The following GPRIN3 variants were observed in gnomAD, a reference collection of about 807,000 sequenced individuals.
GPRIN3 encodes the protein GPRIN family member 3, also known as G protein-regulated inducer of neurite outgrowth 3.
A neutral mutation model predicts 13.7 loss-of-function variants in GPRIN3; 12 were observed. The ratio of observed to expected loss-of-function variants is 0.87; its 90% CI spans 0.56 to 1.42. The LOEUF (loss-of-function observed/expected upper bound fraction) is 1.42, where lower values mean the gene tolerates loss of function less well. GPRIN3 is among the 40% of genes most tolerant of loss of function. The probability of loss-of-function intolerance (pLI) is 0.00; values close to 1 mark genes in which losing one functional copy is unlikely to be tolerated. For synonymous variants in GPRIN3, 377 were observed against 372.7 expected (o/e 1.01, Z -0.13); for missense variants, 1,009 against 958.7 (o/e 1.05, Z -0.69).
intron 1 of GPRIN3, among the ~76,000 whole-genome samples, chr4:89,266,774 G>A (rs920971759): frequency 7.9e-5 from 12 of 152,154 alleles, no homozygotes; most frequent in African/African-American, 2.4e-4. Flanking sequence ...CGTTCTCAAA[G>A]AAGACATCTG....
chr4:89,244,084 A>AG lies in GPRIN3; in HGVS notation c.*3695dup, dbSNP rs1723020984. 5 of 152,220 alleles carry AG rather than the reference A, an allele frequency of 3.3e-5. No homozygotes were observed. The highest frequency in any genetic ancestry group is 3.3e-4 in the Admixed American group (5 of 15,272). The allele number at this position is 152,220 out of a possible 1,614,324, so 9.4% of individuals were successfully genotyped here. The stretch of plus-strand genomic sequence containing the variant: ...ACTCTGTTCTTGGTATGCTATATAT[A>AG]GGGATTCTCAGAATGACAGGCATTC... On this transcript the variant is annotated 3_prime_UTR_variant, in exon 2 of 2. Coordinates refer to ENST00000609438, the MANE Select transcript of GPRIN3 (RefSeq NM_198281.3).
chr4:89,306,700 T>G (rs914343110), intron 1 of GPRIN3, among the ~76,000 whole-genome samples: 1 of 152,094 alleles, frequency 6.6e-6, no homozygotes, highest in Non-Finnish European at 1.5e-5. Flanking sequence ...TTTGCCCACC[T>G]CCTCGGCTGC....
chr4:89,253,014 A>AAG (rs1196984813), intron 1 of GPRIN3, among the ~76,000 whole-genome samples: 1 of 126,704 alleles, frequency 7.9e-6, no homozygotes, highest in Non-Finnish European at 1.8e-5. Flanking sequence ...TTTCTCAAAA[A>AAG]AGAAAAAAAA....
chr4:89,239,464 A>G lies in GPRIN3; in HGVS notation c.*8316T>C, dbSNP rs1578059196. ...TGTATACTTTTATTAGTTAAAAAAC[A>G]CTGCCACTCTAGTTGTAATTGTAGT... On this transcript the variant is annotated 3_prime_UTR_variant, in exon 2 of 2. Transcript: ENST00000609438. The G allele has an allele frequency of 6.6e-6, 1 of 152,232 alleles. No homozygotes were observed. Among genetic ancestry groups the G allele is most frequent in the Admixed American group, 6.5e-5 (1 of 15,284 alleles). 9.4% of individuals were successfully genotyped at this position (152,232 alleles called of 1,614,324 possible). A position where few individuals can be genotyped will look rare whatever the true frequency, so the allele number is the denominator to read the frequency against.
At chr4:89,277,935 A>G (rs574198364) in intron 1 of GPRIN3, among the ~76,000 whole-genome samples, 1 of 152,278 alleles carries the variant, frequency 6.6e-6, no homozygotes, top group Admixed American at 6.5e-5. Flanking sequence ...TCCTCAGCTC[A>G]GATCTATACC....
intron 1 of GPRIN3, among the ~76,000 whole-genome samples, chr4:89,297,488 C>A (rs894818491): frequency 6.6e-6 from 1 of 152,158 alleles, no homozygotes; most frequent in African/African-American, 2.4e-5. Flanking sequence ...TTCCACTCAT[C>A]ATCATTAATT....
intron 1 of GPRIN3, among the ~76,000 whole-genome samples, chr4:89,274,081 G>A (rs1724031005): frequency 6.6e-6 from 1 of 152,210 alleles, no homozygotes; most frequent in African/African-American, 2.4e-5. Context: ...TTAGACAAAT[G>A]GGGGAAGAGG....
At chr4:89,298,744 C>T (rs576945070) in intron 1 of GPRIN3, among the ~76,000 whole-genome samples, 7 of 152,100 alleles carry the variant, frequency 4.6e-5, no homozygotes, top group South Asian at 2.1e-4. Flanking sequence ...CTTTCTTAAA[C>T]CAGGGCCTTC....
At chr4:89,267,980 G>T (rs774280062) in intron 1 of GPRIN3, among the ~76,000 whole-genome samples, 19 of 152,114 alleles carry the variant, frequency 1.2e-4, no homozygotes, top group South Asian at 2.1e-4. Flanking sequence ...CGTGATATTT[G>T]TAAAAGCATA....
intron 1 of GPRIN3, among the ~76,000 whole-genome samples, chr4:89,302,091 G>C (rs913860389): frequency 6.6e-6 from 1 of 152,142 alleles, no homozygotes; most frequent in Non-Finnish European, 1.5e-5. Context: ...TGATCCCCAC[G>C]ATATTTCTGC....
intron 1 of GPRIN3, among the ~76,000 whole-genome samples, chr4:89,300,321 T>A (rs1025084543): frequency 7.9e-5 from 12 of 152,040 alleles, no homozygotes; most frequent in Non-Finnish European, 4.4e-5. Context: ...TGGGCACAAG[T>A]GACTTATATA....
rs1001759021 is a variant in GPRIN3 at position 89,307,773 on chromosome 4, G to T, written c.-282C>A. On this transcript the variant is annotated 5_prime_UTR_variant, in exon 1 of 2. Transcript: ENST00000609438. ...TCAGCCCGGTCCCGGAGCGAGCTCCGTGCGTTCAGGAACTGAAATTACTAT... is the reference window on the plus strand; with the variant it reads ...TCAGCCCGGTCCCGGAGCGAGCTCCTTGCGTTCAGGAACTGAAATTACTAT... The T allele has an allele frequency of 6.6e-6, 1 of 152,324 alleles. No homozygotes were observed. The highest frequency in any genetic ancestry group is 1.5e-5 in the Non-Finnish European group (1 of 68,148). 9.4% of individuals were successfully genotyped at this position (152,324 alleles called of 1,614,324 possible). A position where few individuals can be genotyped will look rare whatever the true frequency, so the allele number is the denominator to read the frequency against.
intron 1 of GPRIN3, among the ~76,000 whole-genome samples, chr4:89,291,091 A>G (rs1486736250): frequency 6.6e-6 from 1 of 152,172 alleles, no homozygotes; most frequent in Middle Eastern, 3.2e-3. Flanking sequence ...ATAAACAGAG[A>G]GCAGGATTAA....
intron 1 of GPRIN3, among the ~76,000 whole-genome samples, chr4:89,261,893 C>A (rs1477866020): frequency 6.6e-6 from 1 of 151,858 alleles, no homozygotes; most frequent in African/African-American, 2.4e-5. Flanking sequence ...GGGTGGATAG[C>A]CTGAGCTTAG....
intron 1 of GPRIN3, among the ~76,000 whole-genome samples, chr4:89,296,595 T>C (rs1195703296): frequency 1.3e-5 from 2 of 152,222 alleles, no homozygotes; most frequent in Non-Finnish European, 2.9e-5. Flanking sequence ...ATAAATAGTT[T>C]CTAGGTCCAA....
At chr4:89,283,171 A>G in intron 1 of GPRIN3, among the ~76,000 whole-genome samples, 1 of 152,200 alleles carries the variant, frequency 6.6e-6, no homozygotes. Context: ...CACTCAATTC[A>G]TGCAGCTGAA....
rs760016832 is a variant in GPRIN3 at position 89,249,126 on chromosome 4, C to T, written c.985G>A (p.Glu329Lys). The change falls in exon 2 of 2, where the codon GAG becomes AAG. Residue 329 changes from glutamate (E) to lysine (K), a missense_variant. Physicochemically the swap from Glu to Lys is moderately conservative, Grantham distance 56. Coordinates refer to ENST00000609438, the MANE Select transcript of GPRIN3 (RefSeq NM_198281.3). ...GGGCTGGTGGAGACGGATCTGCTCT[C>T]GACACTCGCCACTGCCTGCACCTCC... is the stretch of plus-strand genomic sequence containing the variant. ...DAEVQAVASV[E>K]SRSVSTSPSI... The T allele has an allele frequency of 3.7e-6, 6 of 1,614,084 alleles. No homozygotes were observed. Among genetic ancestry groups the T allele is most frequent in the African/African-American group, 1.3e-5 (1 of 74,936 alleles).
Position 89,249,185 on chromosome 4 carries a change from A to G in GPRIN3, c.926T>C (p.Ile309Thr). ...STMTNQAESE[I>T]KEVPSRAWQD... ...CCAAGCCCTGCTGGGAACTTCCTTG[A>G]TTTCACTTTCAGCTTGGTTGGTCAT... The change falls in exon 2 of 2, where the codon ATC becomes ACC. Residue 309 changes from isoleucine (I) to threonine (T), a missense_variant. Physicochemically the swap from Ile to Thr is moderately conservative, Grantham distance 89. Coordinates refer to ENST00000609438, the MANE Select transcript of GPRIN3 (RefSeq NM_198281.3). 1 of 1,614,104 alleles carries G rather than the reference A, an allele frequency of 6.2e-7. No individual in the cohort carries two copies. The highest frequency in any genetic ancestry group is 8.5e-7 in the Non-Finnish European group (1 of 1,180,012).
intron 1 of GPRIN3, among the ~76,000 whole-genome samples, chr4:89,256,475 G>T (rs1423765560): frequency 6.6e-6 from 1 of 152,184 alleles, no homozygotes; most frequent in Non-Finnish European, 1.5e-5. Flanking sequence ...AGAGGCAGCA[G>T]GGAATCTCAG....
Sources: allele counts gnomAD v4.1 joint callset (sites outside exome capture counted in the v4.1 genomes callset), GRCh38; gene constraint gnomAD v4.1.1; transcripts MANE v1.5; gene names NCBI Gene and HGNC (gene_info 2026-07-23, HGNC 2026-07-21).